CTNNA2: variants seen among roughly 807,000 people sequenced by gnomAD.
The protein encoded by CTNNA2 is catenin alpha 2, also known as catenin alpha-2.
In CTNNA2, 42 loss-of-function variants were observed where a neutral mutation model predicts 101.0. The ratio of observed to expected loss-of-function variants is 0.42; its 90% CI spans 0.32 to 0.54. The LOEUF (loss-of-function observed/expected upper bound fraction) is 0.54. Among genes scored for constraint, CTNNA2 ranks in the 20% least tolerant of loss-of-function variants. The pLI, the probability that CTNNA2 is intolerant of heterozygous loss-of-function variation, is 0.14. For missense variants in CTNNA2, 871 were observed against 1,223.1 expected, an observed-to-expected ratio of 0.71 and a Z score of 4.29; for synonymous variants, 450 against 456.4, an observed-to-expected ratio of 0.99 and a Z score of 0.18.
intron 7 of CTNNA2, among the ~76,000 whole-genome samples, chr2:80,130,083 A>C (rs1702333607): frequency 6.6e-6 from 1 of 152,156 alleles, no homozygotes; most frequent in African/African-American, 2.4e-5. Flanking sequence ...GGCAGACCAA[A>C]GTGCATTTGC....
chr2:80,116,028 T>C (rs926981595), intron 7 of CTNNA2, among the ~76,000 whole-genome samples: 5 of 150,726 alleles, frequency 3.3e-5, no homozygotes, highest in Non-Finnish European at 5.9e-5. Flanking sequence ...AAGAATGTCT[T>C]ATGGTATAGA....
chr2:79,925,655 C>G (rs757392108), intron 7 of CTNNA2, among the ~76,000 whole-genome samples: 2 of 151,942 alleles, frequency 1.3e-5, no homozygotes, highest in Admixed American at 6.6e-5. Context: ...TTTCATGGAG[C>G]CTTAGGTGCT....
At chr2:80,165,244 A>G (rs543255798) in intron 7 of CTNNA2, among the ~76,000 whole-genome samples, 19 of 150,456 alleles carry the variant, frequency 1.3e-4, no homozygotes, top group African/African-American at 3.2e-4. Context: ...TTTTTTTTCA[A>G]TCTGGTTTCT....
chr2:80,023,830 G>A (rs1381049490), intron 7 of CTNNA2, among the ~76,000 whole-genome samples: 1 of 152,176 alleles, frequency 6.6e-6, no homozygotes, highest in African/African-American at 2.4e-5. Flanking sequence ...GCTCATGCCT[G>A]TAATCCCAGC....
chr2:79,923,526 A>G (rs529537685), intron 7 of CTNNA2, among the ~76,000 whole-genome samples: 1 of 152,164 alleles, frequency 6.6e-6, no homozygotes, highest in African/African-American at 2.4e-5. Context: ...AATTCTAGAA[A>G]GATTACATCA....
intron 7 of CTNNA2, among the ~76,000 whole-genome samples, chr2:80,044,994 T>C (rs1379084978): frequency 6.6e-6 from 1 of 152,172 alleles, no homozygotes; most frequent in Non-Finnish European, 1.5e-5. Flanking sequence ...CCAAGATGGC[T>C]TACTCGGTTG....
intron 7 of CTNNA2, among the ~76,000 whole-genome samples, chr2:80,279,427 G>C (rs1674190289): frequency 6.6e-6 from 1 of 152,174 alleles, no homozygotes. Context: ...GATTTTCCAA[G>C]TGATCATAGA....
chr2:80,617,763 T>C (rs997485551), intron 17 of CTNNA2, among the ~76,000 whole-genome samples: 2 of 151,858 alleles, frequency 1.3e-5, no homozygotes, highest in Non-Finnish European at 2.9e-5. Flanking sequence ...AATACACTTA[T>C]GTATTTAGTA....
chr2:79,693,548 C>A (rs538689979), intron 2 of CTNNA2, among the ~76,000 whole-genome samples: 1 of 151,848 alleles, frequency 6.6e-6, no homozygotes, highest in Non-Finnish European at 1.5e-5. Context: ...GAGAGAAAAT[C>A]TTTTGATGAT....
chr2:80,115,744 G>C (rs183048555), intron 7 of CTNNA2, among the ~76,000 whole-genome samples: 1 of 152,170 alleles, frequency 6.6e-6, no homozygotes, highest in South Asian at 2.1e-4. Context: ...GCACAGCCAC[G>C]TGGAAGGGCA....
rs1389092020 is a variant in CTNNA2, at chr2:80,545,819, G to A, written c.1384-88G>A. The A allele has an allele frequency of 3.7e-6, 5 of 1,360,318 alleles. No homozygotes were observed. In the South Asian group the frequency reaches 4.1e-5, roughly 11 times the overall value. The allele number at this position is 1,360,318 out of a possible 1,614,324, so 84.3% of individuals were successfully genotyped here. Reference sequence around the variant, plus strand: ...CCCACTTATCTGTAGAACGTACAGGGTGCATGGTTTTAACATGGTCTTTGA... The same window carrying A: ...CCCACTTATCTGTAGAACGTACAGGATGCATGGTTTTAACATGGTCTTTGA... On this transcript the variant is annotated intron_variant, in intron 10 of 18. Transcript: ENST00000402739.
intron 3 of CTNNA2, among the ~76,000 whole-genome samples, chr2:79,824,911 C>T (rs1678297617): frequency 6.6e-6 from 1 of 152,006 alleles, no homozygotes; most frequent in Non-Finnish European, 1.5e-5. Flanking sequence ...TATTTTAGTG[C>T]CAGGCATAGT....
chr2:80,418,438 T>C (rs948232338), intron 8 of CTNNA2, among the ~76,000 whole-genome samples: 3 of 152,226 alleles, frequency 2.0e-5, no homozygotes, highest in Non-Finnish European at 2.9e-5. Context: ...CAACTTTACA[T>C]AGACTTTATT....
chr2:79,765,731 G>A (rs1394767462), intron 3 of CTNNA2, among the ~76,000 whole-genome samples: 1 of 152,166 alleles, frequency 6.6e-6, no homozygotes. Flanking sequence ...TAAAGTTAAA[G>A]GCTACCTCCA....
rs66695624 is a variant in CTNNA2 at position 80,234,053 on chromosome 2, G to GT, written c.1057-159147dup. 2.1e-3 allele frequency among the ~76,000 whole-genome samples: 310 copies of GT among 147,740 alleles called. 1 individual carries two copies. The highest frequency in any genetic ancestry group is 7.4e-3 in the African/African-American group (299 of 40,236). Reference sequence around the variant, plus strand: ...AAGGATACTAATAGACTCACTATTTGTTTTTTTTTTTGAGATGGCATCTCA... The same window carrying GT: ...AAGGATACTAATAGACTCACTATTTGTTTTTTTTTTTTGAGATGGCATCTCA... On this transcript the variant is annotated intron_variant, in intron 7 of 18. Transcript: ENST00000402739.
chr2:80,091,611 C>T (rs1365262054), intron 7 of CTNNA2, among the ~76,000 whole-genome samples: 2 of 152,012 alleles, frequency 1.3e-5, no homozygotes. Flanking sequence ...AGGACAGAGT[C>T]CCGGGGACCA....
intron 1 of CTNNA2, among the ~76,000 whole-genome samples, chr2:79,531,307 A>G (rs1271254967): frequency 1.3e-5 from 2 of 150,416 alleles, no homozygotes; most frequent in Non-Finnish European, 3.0e-5. Context: ...ATGTGCAGCA[A>G]ATCAATTTAT....
intron 9 of CTNNA2, among the ~76,000 whole-genome samples, chr2:80,427,992 G>T (rs919770531): frequency 6.6e-6 from 1 of 152,228 alleles, no homozygotes; most frequent in Non-Finnish European, 1.5e-5. Flanking sequence ...ATTAAACAGA[G>T]TAGGATGATA....
intron 3 of CTNNA2, among the ~76,000 whole-genome samples, chr2:79,824,831 TATA>T (rs1360488254): frequency 6.6e-6 from 1 of 152,148 alleles, no homozygotes; most frequent in African/African-American, 2.4e-5. Context: ...TAATATCAAA[TATA>T]ATTTGTTTTC....
Sources: allele counts gnomAD v4.1 joint callset (sites outside exome capture counted in the v4.1 genomes callset), GRCh38; gene constraint gnomAD v4.1.1; transcripts MANE v1.5; gene names NCBI Gene and HGNC (gene_info 2026-07-23, HGNC 2026-07-21).